DNAJB6: variants seen among roughly 807,000 people sequenced by gnomAD.
DNAJB6 encodes dnaJ homolog subfamily B member 6.
In DNAJB6, 16 loss-of-function variants were observed where a neutral mutation model predicts 42.7. The observed-to-expected ratio is 0.37, with a 90% CI of 0.25 to 0.57. DNAJB6 has a LOEUF of 0.57. Ranked by LOEUF, DNAJB6 falls within the 20% of genes least tolerant of loss-of-function variation. The pLI, the probability that DNAJB6 is intolerant of heterozygous loss-of-function variation, is 0.74. For synonymous variants in DNAJB6, 170 were observed against 163.5 expected (o/e 1.04, Z -0.30); for missense variants, 347 against 416.8 (o/e 0.83, Z 1.46).
intron 1 of DNAJB6, among the ~76,000 whole-genome samples, chr7:157,342,029 G>A (rs185219554): frequency 6.6e-6 from 1 of 152,140 alleles, no homozygotes; most frequent in Admixed American, 6.5e-5. Flanking sequence ...ACTACACCTG[G>A]CTAATTGTTG....
intron 1 of DNAJB6, among the ~76,000 whole-genome samples, chr7:157,348,746 C>T (rs1563111202): frequency 1.3e-5 from 2 of 152,130 alleles, no homozygotes; most frequent in Admixed American, 6.6e-5. Context: ...TTGTAAAATT[C>T]TTCAGTTGCG....
chr7:157,391,134 C>T (rs1801320605), intron 8 of DNAJB6, among the ~76,000 whole-genome samples: 1 of 152,210 alleles, frequency 6.6e-6, no homozygotes, highest in Admixed American at 6.5e-5. Flanking sequence ...CCACTCCCAG[C>T]CCAGAGCATT....
At chr7:157,342,090 G>A (rs1798420484) in intron 1 of DNAJB6, among the ~76,000 whole-genome samples, 2 of 152,044 alleles carry the variant, frequency 1.3e-5, no homozygotes, top group African/African-American at 4.8e-5. Context: ...TGGTTTGGAA[G>A]CAGGTGATCC....
intron 8 of DNAJB6, among the ~76,000 whole-genome samples, chr7:157,387,419 C>T (rs74877838): frequency 0.036 from 5,550 of 152,090 alleles, 182 homozygotes; most frequent in Admixed American, 0.053. Context: ...TAGCATTGTG[C>T]GATCATAGAG....
intron 8 of DNAJB6, among the ~76,000 whole-genome samples, chr7:157,391,261 A>G (rs1801328164): frequency 6.6e-6 from 1 of 152,190 alleles, no homozygotes; most frequent in Non-Finnish European, 1.5e-5. Flanking sequence ...TCGTACACAC[A>G]TTTCTGCCAA....
chr7:157,379,540 C>T (rs1015807626), intron 5 of DNAJB6: 6 of 152,088 alleles, frequency 3.9e-5, no homozygotes, highest in African/African-American at 9.7e-5. Flanking sequence ...CAGTGGCTGT[C>T]GACAGGTGTG....
chr7:157,366,699 A>G (rs891272432), intron 4 of DNAJB6, 138 bp downstream of exon 4: 1 of 719,824 alleles, frequency 1.4e-6, no homozygotes, highest in South Asian at 1.7e-5. Flanking sequence ...TAAATTGGGG[A>G]GAGGACAGAG....
intron 1 of DNAJB6, among the ~76,000 whole-genome samples, chr7:157,343,776 C>G (rs552632386): frequency 3.7e-4 from 56 of 152,132 alleles, no homozygotes; most frequent in African/African-American, 1.3e-3. Context: ...TTTTAAAAGT[C>G]CTAAACTTAG....
Position 157,416,269 on chromosome 7 carries a change from G to T in DNAJB6, c.*171G>T. 3.8e-6 allele frequency: 4 copies of T among 1,051,152 alleles called. No individual in the cohort carries two copies. The South Asian group carries it at 6.7e-5, about 17-fold the overall frequency. The allele number at this position is 1,051,152 out of a possible 1,614,324, so 65.1% of individuals were successfully genotyped here. On this transcript the variant is annotated 3_prime_UTR_variant, in exon 10 of 10. Coordinates refer to ENST00000262177, the MANE Select transcript of DNAJB6 (RefSeq NM_058246.4). ...AGTCAGAGCAGGGTCAGGAGACGGG[G>T]CTGACGGCACGGGTGGCGGGGACAG...
chr7:157,389,764 T>C (rs1402236223), intron 8 of DNAJB6, among the ~76,000 whole-genome samples: 3 of 152,206 alleles, frequency 2.0e-5, no homozygotes, highest in African/African-American at 7.2e-5. Flanking sequence ...AATCTAGACG[T>C]CACTGATTTC....
intron 8 of DNAJB6, among the ~76,000 whole-genome samples, chr7:157,401,246 TCTCA>T (rs1204150558): frequency 6.6e-6 from 1 of 151,814 alleles, no homozygotes. Flanking sequence ...TGAGAAGGAG[TCTCA>T]CTCTGTTGCC....
intron 1 of DNAJB6, among the ~76,000 whole-genome samples, chr7:157,346,183 G>A (rs773639229): frequency 1.3e-5 from 2 of 152,104 alleles, no homozygotes; most frequent in Non-Finnish European, 2.9e-5. Flanking sequence ...TTAGGGAGAT[G>A]AAGGCCAGTT....
intron 5 of DNAJB6, among the ~76,000 whole-genome samples, chr7:157,372,907 A>G (rs907126696): frequency 1.3e-5 from 2 of 152,000 alleles, no homozygotes; most frequent in South Asian, 2.1e-4. Context: ...CGATGTTGAC[A>G]TCATCTCCTT....
At chr7:157,357,563 G>A (rs1799373239) in intron 1 of DNAJB6, among the ~76,000 whole-genome samples, 1 of 151,688 alleles carries the variant, frequency 6.6e-6, no homozygotes. Context: ...CACCTCCCTC[G>A]GCCTCCTAAA....
chr7:157,339,061 G>A (rs1032000329), intron 1 of DNAJB6, among the ~76,000 whole-genome samples: 1 of 152,192 alleles, frequency 6.6e-6, no homozygotes, highest in Non-Finnish European at 1.5e-5. Flanking sequence ...CGGAACACTA[G>A]GTGGGGAGTG....
Position 157,382,389 on chromosome 7 carries a change from C to G in DNAJB6, c.478+12C>G, listed in dbSNP as rs374718769. 3 of 1,601,864 alleles carry G rather than the reference C, an allele frequency of 1.9e-6. No individual in the cohort carries two copies. In the African/African-American group the frequency reaches 4.1e-5, roughly 22 times the overall value. On this transcript the variant is annotated intron_variant, in intron 6 of 9. Transcript: ENST00000262177. Reference sequence around the variant, plus strand: ...TTCTTTTGATACAGGTATTAAATCCCTAGGTTTAATCTCTGTTATCTTAAC... The same window carrying G: ...TTCTTTTGATACAGGTATTAAATCCGTAGGTTTAATCTCTGTTATCTTAAC...
intron 8 of DNAJB6, among the ~76,000 whole-genome samples, chr7:157,402,637 G>A (rs1316869961): frequency 6.6e-6 from 1 of 152,252 alleles, no homozygotes; most frequent in Non-Finnish European, 1.5e-5. Flanking sequence ...GGCTGTGGGA[G>A]TGGCAGGAGA....
At chr7:157,355,100 A>T (rs930629368) in intron 1 of DNAJB6, among the ~76,000 whole-genome samples, 1 of 152,200 alleles carries the variant, frequency 6.6e-6, no homozygotes, top group Non-Finnish European at 1.5e-5. Context: ...ATGAAAACCC[A>T]CATGTAGGAT....
chr7:157,352,252 C>T (rs940274668), intron 1 of DNAJB6, among the ~76,000 whole-genome samples: 1 of 151,888 alleles, frequency 6.6e-6, no homozygotes, highest in Admixed American at 6.6e-5. Flanking sequence ...TCGCTTGAAC[C>T]AGGGAGTTGG....
Sources: allele counts gnomAD v4.1 joint callset (sites outside exome capture counted in the v4.1 genomes callset), GRCh38; gene constraint gnomAD v4.1.1; transcripts MANE v1.5; gene names NCBI Gene and HGNC (gene_info 2026-07-23, HGNC 2026-07-21).